The following MAPK10 variants were observed in gnomAD, a reference collection of about 807,000 sequenced individuals.
MAPK10 encodes the protein mitogen-activated protein kinase 10, also known as JNK3 alpha protein kinase.
A neutral mutation model predicts 59.3 loss-of-function variants in MAPK10; 25 were observed. The ratio of observed to expected loss-of-function variants is 0.42; its 90% confidence interval spans 0.31 to 0.59. The LOEUF (loss-of-function observed/expected upper bound fraction) is 0.59, where lower values mean the gene tolerates loss of function less well. MAPK10 is among the 20% of genes least tolerant of loss of function. MAPK10 has a pLI of 0.15. For synonymous variants in MAPK10, 190 were observed against 200.5 expected, an observed-to-expected ratio of 0.95 and a Z score of 0.44; for missense variants, 351 against 568.9, an observed-to-expected ratio of 0.62 and a Z score of 3.90.
intron 2 of MAPK10, among the ~76,000 whole-genome samples, chr4:86,237,429 G>A (rs1188198428): frequency 4.6e-5 from 7 of 152,024 alleles, no homozygotes; most frequent in Non-Finnish European, 7.4e-5. Flanking sequence ...AAGAATCTCC[G>A]TACTGTCTTC....
intron 1 of MAPK10, among the ~76,000 whole-genome samples, chr4:86,437,082 C>T (rs539636599): frequency 1.7e-3 from 253 of 152,038 alleles, no homozygotes; most frequent in Non-Finnish European, 2.5e-3. Context: ...GGCGTGGTGG[C>T]AGGCACCTGT....
chr4:86,087,269 C>T (rs1449141761), intron 9 of MAPK10, among the ~76,000 whole-genome samples: 1 of 152,106 alleles, frequency 6.6e-6, no homozygotes, highest in Non-Finnish European at 1.5e-5. Context: ...ATTTTAGTCA[C>T]CAATTATTCA....
At chr4:86,398,104 G>C (rs1041240708) in intron 1 of MAPK10, among the ~76,000 whole-genome samples, 1 of 151,782 alleles carries the variant, frequency 6.6e-6, no homozygotes, top group Non-Finnish European at 1.5e-5. Flanking sequence ...CGCACAGGCA[G>C]GCAGACAGAC....
chr4:86,379,616 A>C (rs10012013), intron 1 of MAPK10, among the ~76,000 whole-genome samples: 152,335 of 152,338 alleles, frequency 1, 76,166 homozygotes, highest in Non-Finnish European at 1. Context: ...CAAACAATAG[A>C]ATGAGCCATC....
chr4:86,398,109 A>G (rs891240624), intron 1 of MAPK10, among the ~76,000 whole-genome samples: 5 of 152,068 alleles, frequency 3.3e-5, no homozygotes, highest in Admixed American at 2.6e-4. Flanking sequence ...AGGCAGGCAG[A>G]CAGACAGACC....
chr4:86,105,377 A>T (rs1230613109), intron 5 of MAPK10, among the ~76,000 whole-genome samples: 1 of 152,106 alleles, frequency 6.6e-6, no homozygotes, highest in Non-Finnish European at 1.5e-5. Flanking sequence ...AGCAGGTGTG[A>T]TGCTATTTAT....
chr4:86,190,456 T>C (rs1171450932), intron 3 of MAPK10, among the ~76,000 whole-genome samples: 3 of 152,236 alleles, frequency 2.0e-5, no homozygotes, highest in Non-Finnish European at 4.4e-5. Flanking sequence ...ATTTAACTTC[T>C]TCCTGGTTTA....
intron 3 of MAPK10, among the ~76,000 whole-genome samples, chr4:86,187,054 T>C (rs1278457261): frequency 1.3e-5 from 2 of 152,146 alleles, no homozygotes; most frequent in Non-Finnish European, 2.9e-5. Context: ...TATATTATTA[T>C]AGTGGGTTTA....
chr4:86,037,759 A>G (rs66850367), intron 11 of MAPK10, among the ~76,000 whole-genome samples: 10,294 of 152,270 alleles, frequency 0.068, 438 homozygotes, highest in African/African-American at 0.12. Context: ...GAAACTGAGA[A>G]AGCATAAGTG....
At chr4:86,578,074 A>C (rs1009098027) in intron 1 of MAPK10, among the ~76,000 whole-genome samples, 2 of 152,130 alleles carry the variant, frequency 1.3e-5, no homozygotes, top group Non-Finnish European at 2.9e-5. Flanking sequence ...GCGAGCAAAA[A>C]CACAGAAAAT....
chr4:86,021,905 G>A (rs1166344960), intron 13 of MAPK10, among the ~76,000 whole-genome samples: 4 of 152,352 alleles, frequency 2.6e-5, no homozygotes, highest in Non-Finnish European at 5.9e-5. Flanking sequence ...TCCCGAGTGC[G>A]GGGGCCCGCC....
chr4:86,490,377 G>A (rs1283232192), intron 1 of MAPK10, among the ~76,000 whole-genome samples: 1 of 152,160 alleles, frequency 6.6e-6, no homozygotes, highest in Non-Finnish European at 1.5e-5. Flanking sequence ...GGTCCAGGGA[G>A]GGCATCCTGG....
intron 1 of MAPK10, among the ~76,000 whole-genome samples, chr4:86,593,312 C>G (rs1475253149): frequency 6.6e-6 from 1 of 152,188 alleles, no homozygotes; most frequent in Admixed American, 6.5e-5. Flanking sequence ...GGGTCTCAGA[C>G]TAAATTTATC....
At chr4:86,070,389 C>A (rs1025611949) in intron 9 of MAPK10, among the ~76,000 whole-genome samples, 1 of 132,904 alleles carries the variant, frequency 7.5e-6, no homozygotes, top group Admixed American at 7.5e-5. Context: ...ATTTTTTTTT[C>A]TTTTTCTTTT....
chr4:86,430,090 T>C (rs532139190), intron 1 of MAPK10, among the ~76,000 whole-genome samples: 2 of 152,276 alleles, frequency 1.3e-5, no homozygotes, highest in African/African-American at 4.8e-5. Flanking sequence ...AGATATACCT[T>C]TAAAATCAAG....
At chr4:86,397,886 A>AC (rs1287613225) in intron 1 of MAPK10, among the ~76,000 whole-genome samples, 13 of 151,444 alleles carry the variant, frequency 8.6e-5, no homozygotes, top group African/African-American at 3.1e-4. Context: ...AAAAAAAAAA[A>AC]AAAACTGGCT....
chr4:86,341,875 T>C (rs1275569561), intron 2 of MAPK10, among the ~76,000 whole-genome samples: 1 of 150,480 alleles, frequency 6.6e-6, no homozygotes, highest in Non-Finnish European at 1.5e-5. Context: ...GAGCTTTACC[T>C]TCATTACCTT....
chr4:86,327,466 T>C (rs2096053980), intron 2 of MAPK10: 3 of 152,064 alleles, frequency 2.0e-5, no homozygotes, highest in Non-Finnish European at 4.4e-5. Flanking sequence ...CATGCCACAG[T>C]AAAATGTCTG....
intron 2 of MAPK10, among the ~76,000 whole-genome samples, chr4:86,250,763 G>A (rs2093370881): frequency 6.6e-6 from 1 of 152,106 alleles, no homozygotes; most frequent in African/African-American, 2.4e-5. Context: ...CCTTAACAAT[G>A]TACTACTGTC....
Sources: gnomAD v4.1 joint callset for allele counts (sites outside exome capture counted in the v4.1 genomes callset) on GRCh38, gnomAD v4.1.1 for gene constraint, MANE v1.5 for transcripts, NCBI Gene and HGNC (gene_info 2026-07-23, HGNC 2026-07-21) for gene names.